FAM227B: variants seen among roughly 807,000 people sequenced by gnomAD.
FAM227B encodes protein FAM227B.
A neutral mutation model predicts 73.8 loss-of-function variants in FAM227B; 88 were observed. The observed-to-expected ratio is 1.19, with a 90% CI of 1.00 to 1.42. The LOEUF (loss-of-function observed/expected upper bound fraction) is 1.42, where lower values mean the gene tolerates loss of function less well. FAM227B is among the 40% of genes most tolerant of loss of function. FAM227B has a pLI of 0.00. For missense variants in FAM227B, 632 were observed against 590.9 expected, an observed-to-expected ratio of 1.07 and a Z score of -0.72; for synonymous variants, 210 against 190.5, an observed-to-expected ratio of 1.10 and a Z score of -0.84.
chr15:49,531,076 T>C (rs2060571753), intron 10 of FAM227B, among the ~76,000 whole-genome samples: 1 of 147,578 alleles, frequency 6.8e-6, no homozygotes, highest in South Asian at 2.1e-4. Context: ...GTGTTTAAGA[T>C]AATATAAAAA....
chr15:49,361,083 A>G (rs146101940), intron 13 of FAM227B, among the ~76,000 whole-genome samples: 14 of 152,304 alleles, frequency 9.2e-5, no homozygotes, highest in African/African-American at 3.1e-4. Flanking sequence ...GGGATAAATG[A>G]TAAGTATTTA....
At chr15:49,481,697 C>T (rs1403821792) in intron 11 of FAM227B, among the ~76,000 whole-genome samples, 1 of 152,068 alleles carries the variant, frequency 6.6e-6, no homozygotes, top group Non-Finnish European at 1.5e-5. Context: ...TAATTTGTGT[C>T]CTAAAACCAC....
At chr15:49,577,449 T>A (rs1052610238) in intron 6 of FAM227B, 180 bp downstream of exon 6, 4 of 484,602 alleles carry the variant, frequency 8.3e-6, no homozygotes, top group Non-Finnish European at 1.5e-5. Flanking sequence ...GAATTTTAGC[T>A]AGACTACACA....
chr15:49,379,494 G>T lies in FAM227B; in HGVS notation c.1013-8095C>A, dbSNP rs146211684. On this transcript the variant is annotated intron_variant, in intron 11 of 15. Coordinates refer to ENST00000299338, the MANE Select transcript of FAM227B (RefSeq NM_152647.3). ...TTGTTATTCATCTGTTGAGGTTTTG[G>T]ATTTATTTATGGTTCAATCTTGGTA... is the stretch of plus-strand genomic sequence containing the variant. 9.2e-4 allele frequency among the ~76,000 whole-genome samples: 140 copies of T among 152,180 alleles called. No individual in the cohort carries two copies. The East Asian group carries it at 0.026, about 28-fold the overall frequency.
chr15:49,424,536 A>G, intron 11 of FAM227B: 1 of 1,607,144 alleles, frequency 6.2e-7, no homozygotes. Flanking sequence ...CTGAGGATCG[A>G]TAAAAGAGGC....
chr15:49,588,031 CT>C lies in FAM227B; in HGVS notation c.389del (p.Lys130ArgfsTer5). On this transcript the variant is annotated frameshift_variant, in exon 5 of 16. Coordinates refer to ENST00000299338, the MANE Select transcript of FAM227B (RefSeq NM_152647.3). LOFTEE classifies it high-confidence loss of function. ...GATACCATACCATTATCTTTTTTTT[CT>C]TATGGTACTTCTTTAGAAATTCCCC... ...RYGEFLKKYH[K>X]KKKIMLSDEM... 6.9e-7 allele frequency: 1 copy of C among 1,444,524 alleles called. No individual in the cohort carries two copies. Among genetic ancestry groups the C allele is most frequent in the Non-Finnish European group, 9.2e-7 (1 of 1,083,770 alleles). The allele number at this position is 1,444,524 out of a possible 1,614,324, so 89.5% of individuals were successfully genotyped here.
chr15:49,515,692 A>G (rs938198737), intron 10 of FAM227B, among the ~76,000 whole-genome samples: 7 of 152,136 alleles, frequency 4.6e-5, no homozygotes, highest in Admixed American at 2.6e-4. Context: ...TATTACTTTT[A>G]GTACTGCATA....
At chr15:49,446,840 T>C (rs1322562247) in intron 11 of FAM227B, among the ~76,000 whole-genome samples, 3 of 150,946 alleles carry the variant, frequency 2.0e-5, no homozygotes, top group African/African-American at 4.9e-5. Context: ...AGGAAGTAAA[T>C]GGAGAAAGAT....
At chr15:49,572,422 A>G (rs1464220872) in intron 8 of FAM227B, among the ~76,000 whole-genome samples, 1 of 151,960 alleles carries the variant, frequency 6.6e-6, no homozygotes, top group Admixed American at 6.6e-5. Flanking sequence ...GCTGCATCTC[A>G]TAAGTTTTGG....
chr15:49,531,219 T>G (rs1467355917), intron 10 of FAM227B, among the ~76,000 whole-genome samples: 1 of 151,890 alleles, frequency 6.6e-6, no homozygotes, highest in Non-Finnish European at 1.5e-5. Flanking sequence ...CCTTGATGTG[T>G]ATGTTGATTT....
intron 11 of FAM227B, chr15:49,424,354 T>G: frequency 6.2e-7 from 1 of 1,613,540 alleles, no homozygotes; most frequent in Non-Finnish European, 8.5e-7. Flanking sequence ...GATCATGCTT[T>G]CACATTATCT....
At chr15:49,469,493 T>G (rs113130137) in intron 11 of FAM227B, among the ~76,000 whole-genome samples, 1 of 152,100 alleles carries the variant, frequency 6.6e-6, no homozygotes, top group Non-Finnish European at 1.5e-5. Context: ...CATGGCACAA[T>G]TTTTACTCCC....
chr15:49,435,941 CT>C (rs2151811607), intron 11 of FAM227B, among the ~76,000 whole-genome samples: 1 of 151,438 alleles, frequency 6.6e-6, no homozygotes, highest in South Asian at 2.1e-4. Context: ...AATGTTAATT[CT>C]TTAAAAATAC....
At chr15:49,429,526 A>G (rs1327850010) in intron 11 of FAM227B, among the ~76,000 whole-genome samples, 2 of 151,984 alleles carry the variant, frequency 1.3e-5, no homozygotes, top group South Asian at 2.1e-4. Context: ...TCTTTAACCT[A>G]CAGTTCTAGA....
At chr15:49,424,243 A>G in intron 11 of FAM227B, 1 of 1,503,612 alleles carries the variant, frequency 6.7e-7, no homozygotes, top group Non-Finnish European at 9.2e-7. Flanking sequence ...GTAACAATCA[A>G]CTCAAGATTC....
At chr15:49,365,362 T>G in intron 13 of FAM227B, 6 of 1,433,838 alleles carry the variant, frequency 4.2e-6, no homozygotes, top group Non-Finnish European at 3.9e-6. Context: ...CATAGGCAAC[T>G]GTAGAGGAAA....
Position 49,335,448 on chromosome 15 carries a change from T to G in FAM227B, c.1320A>C (p.Gln440His). ...YRDVIKEAKR[Q>H]FARNQKDFRI... is the part of the protein sequence containing the mutation. Reference sequence around the variant, plus strand: ...TAAAATCCTTTTGGTTCCTTGCAAATTGTCTTTTTGCCTCCTTTATAACAT... The same window carrying G: ...TAAAATCCTTTTGGTTCCTTGCAAAGTGTCTTTTTGCCTCCTTTATAACAT... Residue 440 changes from glutamine (Q) to histidine (H), a missense_variant, in exon 14 of 16, where the codon CAA becomes CAC. Physicochemically the swap from Gln to His is conservative, Grantham distance 24. Transcript: ENST00000299338. 6.2e-7 allele frequency: 1 copy of G among 1,613,232 alleles called. No homozygotes were observed. Among genetic ancestry groups the G allele is most frequent in the South Asian group, 1.1e-5 (1 of 91,032 alleles).
intron 10 of FAM227B, among the ~76,000 whole-genome samples, chr15:49,513,494 G>A (rs969242625): frequency 6.6e-6 from 1 of 152,058 alleles, no homozygotes; most frequent in Admixed American, 6.6e-5. Flanking sequence ...GTACATTCTG[G>A]ATATTAAACC....
chr15:49,501,158 G>A (rs560424517), intron 11 of FAM227B, among the ~76,000 whole-genome samples: 20 of 152,304 alleles, frequency 1.3e-4, no homozygotes, highest in African/African-American at 4.8e-4. Context: ...TTGCTATAAA[G>A]ATACCTGAAA....
Sources: gnomAD v4.1 joint callset for allele counts (sites outside exome capture counted in the v4.1 genomes callset) on GRCh38, gnomAD v4.1.1 for gene constraint, MANE v1.5 for transcripts, NCBI Gene and HGNC (gene_info 2026-07-23, HGNC 2026-07-21) for gene names.